The following NCAM1 variants were observed in gnomAD, a reference collection of about 807,000 sequenced individuals.
The protein encoded by NCAM1 is neural cell adhesion molecule 1.
In NCAM1, 14 loss-of-function variants were observed where a neutral mutation model predicts 109.8. The ratio of observed to expected loss-of-function variants is 0.13; its 90% confidence interval spans 0.08 to 0.20. NCAM1 has a LOEUF of 0.20. NCAM1 is among the 10% of genes least tolerant of loss of function. The pLI, the probability that NCAM1 is intolerant of heterozygous loss-of-function variation, is 1.00. For missense variants in NCAM1, 774 were observed against 1,109.9 expected (o/e 0.70, Z 4.30); for synonymous variants, 418 against 442.9 (o/e 0.94, Z 0.70).
At chr11:113,195,910 G>GGT (rs58873545) in intron 1 of NCAM1, among the ~76,000 whole-genome samples, 8,187 of 148,402 alleles carry the variant, frequency 0.055, 370 homozygotes, top group African/African-American at 0.1. Flanking sequence ...TTGTTTGCAG[G>GGT]GTGTGTGTGT....
intron 1 of NCAM1, among the ~76,000 whole-genome samples, chr11:113,075,945 C>A (rs1938505732): frequency 6.6e-6 from 1 of 152,098 alleles, no homozygotes; most frequent in Admixed American, 6.6e-5. Context: ...TGACTCCTTT[C>A]CCTGTTAAGT....
At chr11:113,050,193 T>C (rs1953424054) in intron 1 of NCAM1, among the ~76,000 whole-genome samples, 1 of 152,102 alleles carries the variant, frequency 6.6e-6, no homozygotes, top group Admixed American at 6.5e-5. Flanking sequence ...AAAAAGAGTT[T>C]ATATTCGGCT....
chr11:113,015,182 C>T (rs1952175856), intron 1 of NCAM1, among the ~76,000 whole-genome samples: 1 of 152,204 alleles, frequency 6.6e-6, no homozygotes, highest in Non-Finnish European at 1.5e-5. Context: ...TCTAGTTCAG[C>T]CCCCTAAGGA....
chr11:113,242,403 T>G (rs1280513062), intron 14 of NCAM1, among the ~76,000 whole-genome samples: 1 of 152,150 alleles, frequency 6.6e-6, no homozygotes, highest in Non-Finnish European at 1.5e-5. Context: ...GTGGATTGCT[T>G]GAGGCCAGGA....
intron 1 of NCAM1, among the ~76,000 whole-genome samples, chr11:113,113,641 C>A (rs1940548426): frequency 6.6e-6 from 1 of 152,104 alleles, no homozygotes; most frequent in African/African-American, 2.4e-5. Flanking sequence ...AACCACTAGA[C>A]AAATGGAGAG....
At chr11:113,058,187 C>T (rs782421091) in intron 1 of NCAM1, among the ~76,000 whole-genome samples, 3 of 151,694 alleles carry the variant, frequency 2.0e-5, no homozygotes, top group Non-Finnish European at 2.9e-5. Context: ...AGGAGACTGA[C>T]GCAGGAGAAT....
chr11:113,072,882 A>G (rs1313976230), intron 1 of NCAM1, among the ~76,000 whole-genome samples: 2 of 151,404 alleles, frequency 1.3e-5, no homozygotes, highest in African/African-American at 2.4e-5. Flanking sequence ...TATCATCTTA[A>G]CCATTTTTAA....
intron 1 of NCAM1, among the ~76,000 whole-genome samples, chr11:113,197,692 C>T (rs142876123): frequency 1.6e-4 from 24 of 152,266 alleles, no homozygotes; most frequent in South Asian, 2.1e-4. Flanking sequence ...CAATTAGCCA[C>T]GGGAGAGACT....
intron 17 of NCAM1, among the ~76,000 whole-genome samples, chr11:113,261,390 T>G (rs1565536341): frequency 6.6e-6 from 1 of 152,098 alleles, no homozygotes; most frequent in East Asian, 1.9e-4. Context: ...CATGGATGTG[T>G]GTGTCTGGGA....
In NCAM1 at chr11:113,232,373, G is replaced by A; in HGVS notation, c.1425+19G>A. 6.3e-7 allele frequency: 1 copy of A among 1,589,164 alleles called. No homozygotes were observed. The highest frequency in any genetic ancestry group is 1.2e-5 in the South Asian group (1 of 86,220). ...TCTGGAGGTGAGTCAGGATGGGGGT[G>A]GGACAGAGCAGAGAAAGCACAGTTT... On this transcript the variant is annotated intron_variant, in intron 11 of 19. Transcript: ENST00000316851.
intron 2 of NCAM1, 49 bp downstream of exon 2, chr11:113,202,502 A>C: frequency 7.2e-6 from 11 of 1,537,914 alleles, no homozygotes; most frequent in African/African-American, 1.4e-5. Context: ...TCAGAAACTC[A>C]CTGGGTAGAG....
chr11:113,267,763 G>A (rs1393140301), intron 17 of NCAM1, among the ~76,000 whole-genome samples: 3 of 152,200 alleles, frequency 2.0e-5, no homozygotes, highest in Admixed American at 2.0e-4. Flanking sequence ...GCCCTCCCCT[G>A]GATGTGCGCA....
At chr11:113,091,531 T>C (rs1939343751) in intron 1 of NCAM1, among the ~76,000 whole-genome samples, 2 of 152,118 alleles carry the variant, frequency 1.3e-5, no homozygotes, top group South Asian at 4.2e-4. Context: ...TGTTAAGATG[T>C]AGAAAGTAGG....
At chr11:113,042,891 C>T (rs1555080189) in intron 1 of NCAM1, among the ~76,000 whole-genome samples, 1 of 152,114 alleles carries the variant, frequency 6.6e-6, no homozygotes, top group East Asian at 1.9e-4. Flanking sequence ...CAGAAAGTGT[C>T]CTTGACTTTT....
At chr11:113,172,726 C>T (rs548998561) in intron 1 of NCAM1, among the ~76,000 whole-genome samples, 2 of 152,128 alleles carry the variant, frequency 1.3e-5, no homozygotes, top group South Asian at 4.2e-4. Flanking sequence ...CATGAAAAGT[C>T]GGTATTTTGC....
intron 14 of NCAM1, chr11:113,240,897 G>A: frequency 6.6e-7 from 1 of 1,509,904 alleles, no homozygotes. Context: ...AGTTTGTTTT[G>A]CCTAATGTTA....
At chr11:113,153,152 C>G (rs189843406) in intron 1 of NCAM1, among the ~76,000 whole-genome samples, 298 of 152,044 alleles carry the variant, frequency 2.0e-3, no homozygotes, top group African/African-American at 6.8e-3. Flanking sequence ...AAGTGATTCT[C>G]CTGCCTCAGC....
chr11:113,275,151 C>T lies in NCAM1; in HGVS notation c.2457-116C>T, dbSNP rs534476949. 21 of 1,361,012 alleles carry T rather than the reference C, an allele frequency of 1.5e-5. No homozygotes were observed. The East Asian group carries it at 1.7e-4, about 11-fold the overall frequency. 84.3% of individuals were successfully genotyped at this position (1,361,012 alleles called of 1,614,324 possible). A position where few individuals can be genotyped will look rare whatever the true frequency, so the allele number is the denominator to read the frequency against. ...TGATTTGACGGGCAGAGGTTGGAGCCGGGTGCTGTCACTGGAGAACCCCTC... is the reference window on the plus strand; with the variant it reads ...TGATTTGACGGGCAGAGGTTGGAGCTGGGTGCTGTCACTGGAGAACCCCTC... On this transcript the variant is annotated intron_variant, in intron 19 of 19. Coordinates refer to ENST00000316851, the MANE Select transcript of NCAM1 (RefSeq NM_181351.5).
At chr11:113,086,374 G>A (rs1322088672) in intron 1 of NCAM1, among the ~76,000 whole-genome samples, 1 of 152,184 alleles carries the variant, frequency 6.6e-6, no homozygotes, top group Non-Finnish European at 1.5e-5. Context: ...CAGACTCCCT[G>A]CCAATCTTCA....
Sources: allele counts gnomAD v4.1 joint callset (sites outside exome capture counted in the v4.1 genomes callset), GRCh38; gene constraint gnomAD v4.1.1; transcripts MANE v1.5; gene names NCBI Gene and HGNC (gene_info 2026-07-23, HGNC 2026-07-21).